SLC9A3: variants seen among roughly 807,000 people sequenced by gnomAD.
SLC9A3 encodes the protein solute carrier family 9 member A3.
Under a neutral mutation model 86.8 loss-of-function variants are expected in SLC9A3, and 37 were observed. The ratio of observed to expected loss-of-function variants is 0.43; its 90% CI spans 0.33 to 0.56. SLC9A3 has a LOEUF of 0.56. Among genes scored for constraint, SLC9A3 ranks in the 20% least tolerant of loss-of-function variants. The pLI is 0.06. For synonymous variants in SLC9A3, 581 were observed against 528.3 expected (o/e 1.10, Z -1.37); for missense variants, 1,011 against 1,171.9 (o/e 0.86, Z 2.00).
At chr5:489,214 A>G (rs1739611851) in intron 2 of SLC9A3, among the ~76,000 whole-genome samples, 1 of 151,906 alleles carries the variant, frequency 6.6e-6, no homozygotes, top group Non-Finnish European at 1.5e-5. Flanking sequence ...GCCCTCTCTC[A>G]CGGCCGCAGG....
In SLC9A3 at chr5:476,291, G is replaced by GC. The variant is rs1579763773; in HGVS notation, c.1977dup (p.Arg660AlafsTer68). 2 of 1,613,806 alleles carry GC rather than the reference G, an allele frequency of 1.2e-6. No homozygotes were observed. On this transcript the variant is annotated frameshift_variant, in exon 13 of 17. Coordinates refer to ENST00000264938, the MANE Select transcript of SLC9A3 (RefSeq NM_004174.4). LOFTEE classifies it high-confidence loss of function. ...TTGGTCGACTTGAAGGACTCCAGGC[G>GC]CTTCCGCATGGTCCTGTGGAAGATT... is the stretch of plus-strand genomic sequence containing the variant.
In SLC9A3 at chr5:524,335, AGCGCAGGGCTGGGAC is replaced by A; in HGVS notation, c.-28_-14del. ...CGAGTCCCCACATTGCCGCCTGCTC[AGCGCAGGGCTGGGAC>A]GCGCATGTCGCGGGGGGTCCCGGCT... On this transcript the variant is annotated 5_prime_UTR_variant, in exon 1 of 17. Transcript: ENST00000264938. 8.5e-7 allele frequency: 1 copy of A among 1,182,742 alleles called. No individual in the cohort carries two copies. Among genetic ancestry groups the A allele is most frequent in the Non-Finnish European group, 1.1e-6 (1 of 942,752 alleles). 73.3% of individuals were successfully genotyped at this position (1,182,742 alleles called of 1,614,324 possible).
At position 474,910 on chromosome 5, in the gene SLC9A3, G is replaced by A. The variant is rs746397626; in HGVS notation, c.2474C>T (p.Pro825Leu). ...LQADGPEERP[P>L]AALPESTHM ...GTGTGTGGACTCGGGGAGGGCGGCG[G>A]GGGGCCGCTCCTCGGGGCCGTCTGC... is the stretch of plus-strand genomic sequence containing the variant. Residue 825 changes from proline (P) to leucine (L), a missense_variant, in exon 16 of 17, where the codon CCC (proline) becomes CTC (leucine). Physicochemically the swap from Pro to Leu is moderately conservative, Grantham distance 98. This residue lies in a region of SLC9A3 where 397 missense variants were observed against 346.3 expected (regional missense o/e 1.15). Coordinates refer to ENST00000264938, the MANE Select transcript of SLC9A3 (RefSeq NM_004174.4). 3 of 1,595,682 alleles carry A rather than the reference G, an allele frequency of 1.9e-6. No homozygotes were observed. In the African/African-American group the frequency reaches 4.0e-5, roughly 21 times the overall value.
chr5:476,727 C>T (rs376905151), intron 11 of SLC9A3, 55 bp from the exon 12 acceptor site: 85 of 1,583,048 alleles, frequency 5.4e-5, no homozygotes, highest in African/African-American at 4.3e-4. Context: ...GGGTCTCTTG[C>T]GCGCCCCTCG....
intron 12 of SLC9A3, 71 bp downstream of exon 12, chr5:476,472 C>G: frequency 2.5e-6 from 4 of 1,603,268 alleles, no homozygotes; most frequent in South Asian, 1.1e-5. Context: ...CCCGTGGTCC[C>G]AGGAGGGGAC....
chr5:516,175 G>A (rs1029420193), intron 1 of SLC9A3, among the ~76,000 whole-genome samples: 1 of 149,788 alleles, frequency 6.7e-6, no homozygotes, highest in African/African-American at 2.5e-5. Flanking sequence ...TGCCCCCTCT[G>A]CCCCAGGGAT....
At chr5:509,524 A>G (rs985244506) in intron 1 of SLC9A3, among the ~76,000 whole-genome samples, 13 of 149,788 alleles carry the variant, frequency 8.7e-5, no homozygotes, top group South Asian at 4.3e-4. Context: ...GGGAGGGAGG[A>G]AGGAAGGGTT....
intron 8 of SLC9A3, 32 bp downstream of exon 8, chr5:482,035 TG>T (rs771965760): frequency 1.9e-5 from 5 of 258,674 alleles, no homozygotes; most frequent in South Asian, 6.4e-5. Context: ...GAACACGCAG[TG>T]CCCCCCCCCC....
At chr5:473,474 C>T (rs1236271825) in intron 16 of SLC9A3, 92 bp from the exon 17 acceptor site, 7 of 1,090,090 alleles carry the variant, frequency 6.4e-6, no homozygotes, top group East Asian at 3.3e-5. Context: ...CCGAGCCCGG[C>T]GGCTCTCGCC....
At chr5:493,631 C>T (rs1040581271) in intron 1 of SLC9A3, among the ~76,000 whole-genome samples, 10 of 152,366 alleles carry the variant, frequency 6.6e-5, no homozygotes, top group East Asian at 3.9e-4. Context: ...CGCACCTGCC[C>T]GGCCACCAGC....
intron 11 of SLC9A3, chr5:477,086 A>C: frequency 2.0e-6 from 1 of 512,416 alleles, no homozygotes; most frequent in Non-Finnish European, 3.5e-6. Flanking sequence ...GCCAGGGGCA[A>C]ACACGTCAGG....
chr5:495,394 C>G (rs553399615), intron 1 of SLC9A3, among the ~76,000 whole-genome samples: 1 of 146,638 alleles, frequency 6.8e-6, no homozygotes, highest in Non-Finnish European at 1.5e-5. Context: ...GCGCCATCGC[C>G]GACCCTCCCC....
chr5:518,281 G>A (rs1291134046), intron 1 of SLC9A3, among the ~76,000 whole-genome samples: 1 of 152,148 alleles, frequency 6.6e-6, no homozygotes, highest in African/African-American at 2.4e-5. Context: ...TTTGGGGGAG[G>A]GTGGAGTCTG....
chr5:482,114 C>T lies in SLC9A3; in HGVS notation c.1400G>A (p.Arg467Lys), dbSNP rs1560954242. 4 of 1,610,616 alleles carry T rather than the reference C, an allele frequency of 2.5e-6. No individual in the cohort carries two copies. Among genetic ancestry groups the T allele is most frequent in the Non-Finnish European group, 3.4e-6 (4 of 1,179,330 alleles). The stretch of plus-strand genomic sequence containing the variant: ...GAGCCGAGGTTCCCGGTGCTCGCTC[C>T]TCTTCACCTTCAGCCACTGCACCAG... The part of the protein sequence containing the change: ...KPLVQWLKVK[R>K]SEHREPRLNE... Residue 467 changes from arginine (R) to lysine (K), a missense_variant, in exon 8 of 17, where the codon AGG (arginine) becomes AAG (lysine). Around this residue, in one of 3 missense-constraint regions of SLC9A3, gnomAD observed 565 missense variants for 790.0 expected, o/e 0.72. Transcript: ENST00000264938.
intron 1 of SLC9A3, among the ~76,000 whole-genome samples, chr5:492,289 C>CTG (rs1739799997): frequency 1.2e-5 from 1 of 85,216 alleles, no homozygotes; most frequent in African/African-American, 5.2e-5. Flanking sequence ...GGGGTGGGAC[C>CTG]CGTGCGGCAG....
Position 491,711 on chromosome 5 carries a change from G to T in SLC9A3, c.514+58C>A. Reference sequence around the variant, plus strand: ...CCCGACCTTTCTGAGATGAGGCAGCGCCGCCCCTCCCGGACCCCACCCTGA... The same window carrying T: ...CCCGACCTTTCTGAGATGAGGCAGCTCCGCCCCTCCCGGACCCCACCCTGA... On this transcript the variant is annotated intron_variant, in intron 2 of 16. Transcript: ENST00000264938. The surrounding 1 kb of genome is among the most constrained non-coding windows in gnomAD (Gnocchi z 9.2). The T allele has an allele frequency of 7.0e-7, 1 of 1,420,844 alleles. No homozygotes were observed. Among genetic ancestry groups the T allele is most frequent in the Non-Finnish European group, 9.4e-7 (1 of 1,061,850 alleles). 88.0% of individuals were successfully genotyped at this position (1,420,844 alleles called of 1,614,324 possible).
chr5:522,933 C>G (rs183375593), intron 1 of SLC9A3, among the ~76,000 whole-genome samples: 3 of 151,554 alleles, frequency 2.0e-5, no homozygotes, highest in African/African-American at 2.4e-5. Context: ...CTCAGAGACT[C>G]CCCCCCGGCC....
intron 1 of SLC9A3, among the ~76,000 whole-genome samples, chr5:511,184 G>A (rs955412433): frequency 6.6e-6 from 1 of 152,152 alleles, no homozygotes; most frequent in African/African-American, 2.4e-5. Flanking sequence ...TGGCAAGGCC[G>A]GCATTTAAGT....
At chr5:502,115 T>C (rs1019543395) in intron 1 of SLC9A3, among the ~76,000 whole-genome samples, 1 of 152,262 alleles carries the variant, frequency 6.6e-6, no homozygotes, top group Non-Finnish European at 1.5e-5. Context: ...GAAACATGAA[T>C]GTTGCCCACG....
Sources: gnomAD v4.1 joint callset for allele counts (sites outside exome capture counted in the v4.1 genomes callset) on GRCh38, gnomAD v4.1.1 for gene constraint, gnomAD v4.1.1 regional missense constraint, Gnocchi (gnomAD v3.1) non-coding constraint, MANE v1.5 for transcripts, NCBI Gene and HGNC (gene_info 2026-07-23, HGNC 2026-07-21) for gene names.